FLI1: variants seen among roughly 807,000 people sequenced by gnomAD.
FLI1 encodes Fli-1 proto-oncogene, ETS transcription factor.
FLI1 carries 13 observed loss-of-function variants against 53.1 expected under a neutral mutation model. That is an observed-to-expected ratio of 0.24 (90% CI 0.16 to 0.39). The LOEUF (loss-of-function observed/expected upper bound fraction) is 0.39. FLI1 is among the 10% of genes least tolerant of loss of function. The pLI is 1.00. For missense variants in FLI1, 424 were observed against 600.5 expected (o/e 0.71, Z 3.07); for synonymous variants, 244 against 236.7 (o/e 1.03, Z -0.28).
chr11:128,731,083 C>T (rs1033140386), intron 1 of FLI1, among the ~76,000 whole-genome samples: 2 of 152,242 alleles, frequency 1.3e-5, no homozygotes, highest in African/African-American at 4.8e-5. Context: ...CTGTGCAAAA[C>T]AGCACCTTTG....
At chr11:128,717,913 G>A (rs967750258) in intron 1 of FLI1, among the ~76,000 whole-genome samples, 1 of 152,200 alleles carries the variant, frequency 6.6e-6, no homozygotes, top group Admixed American at 6.5e-5. Flanking sequence ...ACACCACAGT[G>A]CACTGTAGAT....
Position 128,810,405 on chromosome 11 carries a change from G to A in FLI1, c.830-54G>A. 6.6e-7 allele frequency: 1 copy of A among 1,512,326 alleles called. No homozygotes were observed. Among genetic ancestry groups the A allele is most frequent in the South Asian group, 1.3e-5 (1 of 78,988 alleles). 93.7% of individuals were successfully genotyped at this position (1,512,326 alleles called of 1,614,324 possible). A position where few individuals can be genotyped will look rare whatever the true frequency, so the allele number is the denominator to read the frequency against. On this transcript the variant is annotated intron_variant, in intron 8 of 8. Coordinates refer to ENST00000527786, the MANE Select transcript of FLI1 (RefSeq NM_002017.5). This position sits in a 1 kb window ranked among gnomAD's most constrained non-coding sequence, Gnocchi z 6.6. ...CCCTGCATTTAGGGAACTGGGTTCT[G>A]CCTTCTCTGGGCTGAGGTGTTCTGT...
chr11:128,742,266 A>G (rs1940172869), intron 1 of FLI1, among the ~76,000 whole-genome samples: 1 of 152,246 alleles, frequency 6.6e-6, no homozygotes, highest in Non-Finnish European at 1.5e-5. Flanking sequence ...CGCCATTAAA[A>G]TGATGGCATC....
Position 128,708,469 on chromosome 11 carries a change from C to T in FLI1, c.18+14193C>T, listed in dbSNP as rs567461963. On this transcript the variant is annotated intron_variant, in intron 1 of 8. Transcript: ENST00000527786. ...CCTGAGAGAGTTTTATATATCGGTC[C>T]CTCTAAAGTGCTAATGTGGGCACCG... Among the ~76,000 whole-genome samples, 4 of 152,218 alleles carry T rather than the reference C, an allele frequency of 2.6e-5. No homozygotes were observed. The South Asian group carries it at 8.3e-4, about 32-fold the overall frequency.
chr11:128,737,062 T>G (rs1591766089), intron 1 of FLI1, among the ~76,000 whole-genome samples: 1 of 152,254 alleles, frequency 6.6e-6, no homozygotes, highest in Non-Finnish European at 1.5e-5. Context: ...TATCTTTCAG[T>G]GCTCAAGAGG....
intron 1 of FLI1, among the ~76,000 whole-genome samples, chr11:128,747,235 G>A (rs569394150): frequency 6.6e-6 from 1 of 152,368 alleles, no homozygotes; most frequent in Admixed American, 6.5e-5. Flanking sequence ...CAGAGCAGAG[G>A]AGGGAAATGA....
intron 1 of FLI1, among the ~76,000 whole-genome samples, chr11:128,720,080 G>T (rs781040235): frequency 6.6e-6 from 1 of 152,172 alleles, no homozygotes; most frequent in Non-Finnish European, 1.5e-5. Flanking sequence ...GAAAGCAGCC[G>T]ATTCATATTT....
chr11:128,786,952 A>C (rs1030401298), intron 5 of FLI1, among the ~76,000 whole-genome samples: 1 of 152,180 alleles, frequency 6.6e-6, no homozygotes, highest in African/African-American at 2.4e-5. Flanking sequence ...GCCATTGAAC[A>C]CGGAAACTGA....
chr11:128,763,722 A>G (rs1488172034), intron 2 of FLI1, among the ~76,000 whole-genome samples: 2 of 152,196 alleles, frequency 1.3e-5, no homozygotes, highest in African/African-American at 4.8e-5. Context: ...TCAACCTTGC[A>G]GTATGAGACA....
intron 2 of FLI1, among the ~76,000 whole-genome samples, chr11:128,761,133 CG>C (rs1941103487): frequency 6.6e-6 from 1 of 152,334 alleles, no homozygotes; most frequent in Middle Eastern, 3.4e-3. Context: ...TTCTTCCCTC[CG>C]CGCCAGCCTC....
intron 1 of FLI1, chr11:128,686,930 C>T (rs1314344509): frequency 6.3e-6 from 1 of 158,276 alleles, no homozygotes; most frequent in Non-Finnish European, 1.4e-5. Flanking sequence ...GTTTGGGAAA[C>T]TTGGAGCAGG....
chr11:128,774,023 A>T (rs1253279278), intron 4 of FLI1, among the ~76,000 whole-genome samples: 1 of 152,108 alleles, frequency 6.6e-6, no homozygotes, highest in Non-Finnish European at 1.5e-5. Context: ...TCAGATCCTT[A>T]GACAGCAACT....
chr11:128,789,784 T>A (rs1329627763), intron 5 of FLI1, among the ~76,000 whole-genome samples: 27 of 152,018 alleles, frequency 1.8e-4, no homozygotes, highest in Admixed American at 1.8e-3. Flanking sequence ...GGGGGCTAGG[T>A]CTGGAACATG....
chr11:128,725,168 TC>T (rs1310984166), intron 1 of FLI1, among the ~76,000 whole-genome samples: 1 of 152,220 alleles, frequency 6.6e-6, no homozygotes, highest in Non-Finnish European at 1.5e-5. Flanking sequence ...TATTTTGGGC[TC>T]TTCTAGCCTC....
intron 5 of FLI1, among the ~76,000 whole-genome samples, chr11:128,801,206 C>T (rs144021385): frequency 2.0e-4 from 30 of 152,336 alleles, no homozygotes; most frequent in Admixed American, 5.2e-4. Flanking sequence ...GCACACCCTG[C>T]CTGAGCCCCA....
intron 1 of FLI1, among the ~76,000 whole-genome samples, chr11:128,705,619 G>A (rs2135709805): frequency 6.6e-6 from 1 of 152,258 alleles, no homozygotes. Context: ...ATTGAGTAGG[G>A]CTGACTTCAG....
chr11:128,728,035 C>T (rs1428821344), intron 1 of FLI1, among the ~76,000 whole-genome samples: 1 of 152,250 alleles, frequency 6.6e-6, no homozygotes, highest in East Asian at 1.9e-4. Flanking sequence ...TCATTTTCCT[C>T]ACAAGCTGAA....
At position 128,686,708 on chromosome 11, in the gene FLI1, C is replaced by T. The variant is rs1419203501; in HGVS notation, c.-203+7C>T. ...CACGTCGTCTTACATCAAGGTAAGA[C>T]ATGGCAGCGTCTTTAAACAGGTGAT... On this transcript the variant is annotated splice_region_variant and intron_variant, in intron 1 of 6. Transcript: ENST00000344954. 8 of 340,748 alleles carry T rather than the reference C, an allele frequency of 2.3e-5. No homozygotes were observed. The East Asian group carries it at 3.9e-4, about 17-fold the overall frequency. 21.1% of individuals were successfully genotyped at this position (340,748 alleles called of 1,614,324 possible).
At chr11:128,763,548 C>A (rs1941209106) in intron 2 of FLI1, among the ~76,000 whole-genome samples, 2 of 152,222 alleles carry the variant, frequency 1.3e-5, no homozygotes, top group African/African-American at 4.8e-5. Flanking sequence ...TATTCAGGAC[C>A]AGAGTTCAGA....
Sources: gnomAD v4.1 joint callset for allele counts (sites outside exome capture counted in the v4.1 genomes callset) on GRCh38, gnomAD v4.1.1 for gene constraint, Gnocchi (gnomAD v3.1) non-coding constraint, MANE v1.5 for transcripts, NCBI Gene and HGNC (gene_info 2026-07-23, HGNC 2026-07-21) for gene names.